The following POR variants were observed in gnomAD, a reference collection of about 807,000 sequenced individuals.
The protein encoded by POR is cytochrome p450 oxidoreductase.
A neutral mutation model predicts 84.0 loss-of-function variants in POR; 56 were observed. The ratio of observed to expected loss-of-function variants is 0.67; its 90% CI spans 0.54 to 0.83. POR has a LOEUF of 0.83. Among genes scored for constraint, POR ranks in the 40% least tolerant of loss-of-function variants. The pLI, the probability that POR is intolerant of heterozygous loss-of-function variation, is 0.00. For synonymous variants in POR, 414 were observed against 400.5 expected, an observed-to-expected ratio of 1.03 and a Z score of -0.40; for missense variants, 938 against 944.3, an observed-to-expected ratio of 0.99 and a Z score of 0.09.
At chr7:75,972,301 C>A in intron 2 of POR, 112 bp from the exon 3 acceptor site, 1 of 954,558 alleles carries the variant, frequency 1.0e-6, no homozygotes. Context: ...TGTCCCCTCC[C>A]TGTGCTGCCA....
At chr7:75,938,907 C>T (rs1379897364) in intron 1 of POR, among the ~76,000 whole-genome samples, 2 of 152,222 alleles carry the variant, frequency 1.3e-5, no homozygotes, top group African/African-American at 4.8e-5. Flanking sequence ...TCGCTCATCC[C>T]CCTAATCTGA....
chr7:75,961,334 CT>C (rs1787932385), intron 2 of POR, among the ~76,000 whole-genome samples: 2 of 151,548 alleles, frequency 1.3e-5, no homozygotes, highest in Non-Finnish European at 2.9e-5. Context: ...TGCCCACCAG[CT>C]GTGGAGCAGC....
Position 75,981,368 on chromosome 7 carries a change from C to G in POR, c.642-149C>G, listed in dbSNP as rs1257371787. 4 of 1,182,800 alleles carry G rather than the reference C, an allele frequency of 3.4e-6. No homozygotes were observed. In the African/African-American group the frequency reaches 6.2e-5, roughly 18 times the overall value. 73.3% of individuals were successfully genotyped at this position (1,182,800 alleles called of 1,614,324 possible). A position where few individuals can be genotyped will look rare whatever the true frequency, so the allele number is the denominator to read the frequency against. The stretch of plus-strand genomic sequence containing the variant: ...GCTTGCCCAACTCCCTGGAGCCTTC[C>G]TGATGCTCTGGGTTTATGTCGCTGG... On this transcript the variant is annotated intron_variant, in intron 6 of 15. Transcript: ENST00000461988.
In POR at chr7:75,953,975, C is replaced by T; in HGVS notation, c.-4-14C>T. On this transcript the variant is annotated splice_polypyrimidine_tract_variant and intron_variant, in intron 1 of 15. Transcript: ENST00000461988. Reference sequence around the variant, plus strand: ...TACCCTCTGCTGACATCTGCTGTTTCTGTCTCCTAACAGTTTCATGATCAA... The same window carrying T: ...TACCCTCTGCTGACATCTGCTGTTTTTGTCTCCTAACAGTTTCATGATCAA... 6.4e-7 allele frequency: 1 copy of T among 1,558,316 alleles called. No homozygotes were observed. The highest frequency in any genetic ancestry group is 8.7e-7 in the Non-Finnish European group (1 of 1,148,368).
At chr7:75,980,943 C>T in intron 5 of POR, 105 bp from the exon 6 acceptor site, 1 of 1,368,688 alleles carries the variant, frequency 7.3e-7, no homozygotes, top group Non-Finnish European at 9.7e-7. Context: ...GCAGGTGTTG[C>T]CAGCAGCTCA....
At chr7:75,974,036 C>T (rs533215104) in intron 3 of POR, among the ~76,000 whole-genome samples, 27 of 152,184 alleles carry the variant, frequency 1.8e-4, no homozygotes, top group Admixed American at 6.5e-5. Flanking sequence ...AAGATCCTTC[C>T]ATATCAATAC....
chr7:75,981,651 T>C (rs1554557996), intron 7 of POR, 45 bp downstream of exon 7: 1 of 1,540,024 alleles, frequency 6.5e-7, no homozygotes, highest in South Asian at 1.1e-5. Flanking sequence ...GGGCGGGTCC[T>C]GTGCCGAGGG....
chr7:75,951,957 CG>C (rs1276651208), intron 1 of POR, among the ~76,000 whole-genome samples: 4 of 151,040 alleles, frequency 2.6e-5, no homozygotes, highest in East Asian at 3.9e-4. Flanking sequence ...GCTGGCCGGG[CG>C]GGGGGCTGAC....
Position 75,968,906 on chromosome 7 carries a change from G to A in POR, c.189-3507G>A, listed in dbSNP as rs578203690. On this transcript the variant is annotated intron_variant, in intron 2 of 15. Transcript: ENST00000461988. ...AAGCCCTCCTCCCCCGCCACTTGCC[G>A]GGCTTCTGGGATGGGAGCCGAGCTT... Among the ~76,000 whole-genome samples, 25 of 152,302 alleles carry A rather than the reference G, an allele frequency of 1.6e-4. No homozygotes were observed. In the South Asian group the frequency reaches 2.3e-3, roughly 14 times the overall value.
At position 75,954,031 on chromosome 7, in the gene POR, C is replaced by T. The variant is rs781799978; in HGVS notation, c.39C>T (p.Ser13=). 1.2e-6 allele frequency: 2 copies of T among 1,608,592 alleles called. No homozygotes were observed. The highest frequency in any genetic ancestry group is 4.5e-5 in the East Asian group (2 of 44,754). Reference sequence around the variant, plus strand: ...GAGACTCCCACGTGGACACCAGCTCCACCGTGTCCGAGGCGGTGGCCGAAG... The same window carrying T: ...GAGACTCCCACGTGGACACCAGCTCTACCGTGTCCGAGGCGGTGGCCGAAG... The change falls in exon 2 of 16, where the codon TCC becomes TCT. Residue 13 remains serine, a synonymous_variant. Transcript: ENST00000461988.
In POR at chr7:75,981,136, G is replaced by C. The variant is rs547249232; in HGVS notation, c.605G>C (p.Arg202Pro). The change falls in exon 6 of 16, where the codon CGC becomes CCC. Residue 202 changes from arginine to proline, a missense_variant. Physicochemically the swap from Arg to Pro is moderately radical, Grantham distance 103 (BLOSUM62 -2). Coordinates refer to ENST00000461988, the MANE Select transcript of POR (RefSeq NM_000941.3). ...CGGCTGGAGCAGCTCGGCGCCCAGC[G>C]CATCTTTGAGCTGGGGTTGGGCGAC... The C allele has an allele frequency of 9.6e-6, 15 of 1,554,832 alleles. No homozygotes were observed. In the Admixed American group the frequency reaches 2.9e-4, roughly 30 times the overall value.
intron 1 of POR, among the ~76,000 whole-genome samples, chr7:75,922,447 C>T (rs1806926243): frequency 6.6e-6 from 1 of 151,926 alleles, no homozygotes; most frequent in Non-Finnish European, 1.5e-5. Flanking sequence ...CCTCAACCTC[C>T]TGAGTAGCTG....
chr7:75,936,527 C>T (rs1032590113), intron 1 of POR, among the ~76,000 whole-genome samples: 2 of 152,122 alleles, frequency 1.3e-5, no homozygotes, highest in African/African-American at 4.8e-5. Flanking sequence ...CTTAGTGTGC[C>T]TTCCCTTTTG....
intron 1 of POR, among the ~76,000 whole-genome samples, chr7:75,931,006 A>G (rs1421020796): frequency 1.3e-5 from 2 of 151,904 alleles, no homozygotes; most frequent in Non-Finnish European, 2.9e-5. Context: ...AATTTTCTGT[A>G]GAGATGGCGT....
chr7:75,949,802 G>T (rs1443967096), intron 1 of POR, among the ~76,000 whole-genome samples: 8 of 151,932 alleles, frequency 5.3e-5, no homozygotes, highest in Non-Finnish European at 1.2e-4. Flanking sequence ...TTACAGGTGT[G>T]AGCCACCGTG....
At chr7:75,935,018 C>T (rs1443616066) in intron 1 of POR, among the ~76,000 whole-genome samples, 1 of 152,062 alleles carries the variant, frequency 6.6e-6, no homozygotes. Flanking sequence ...GGGAAGGGGG[C>T]CACTGTCCTC....
chr7:75,954,247 A>G lies in POR; in HGVS notation c.188+67A>G, dbSNP rs1585105690. On this transcript the variant is annotated intron_variant, in intron 2 of 15. Coordinates refer to ENST00000461988, the MANE Select transcript of POR (RefSeq NM_000941.3). ...GTCACCACTCCAAGCAGTGTCCTGC[A>G]TGCGGGCCTCAGGCTGAAAGAAGCA... 2.3e-5 allele frequency: 33 copies of G among 1,465,892 alleles called. No individual in the cohort carries two copies. The East Asian group carries it at 7.5e-4, about 33-fold the overall frequency. 90.8% of individuals were successfully genotyped at this position (1,465,892 alleles called of 1,614,324 possible). A position where few individuals can be genotyped will look rare whatever the true frequency, so the allele number is the denominator to read the frequency against.
chr7:75,939,932 T>C (rs2116331600), intron 1 of POR, among the ~76,000 whole-genome samples: 1 of 147,930 alleles, frequency 6.8e-6, no homozygotes, highest in Middle Eastern at 4.0e-3. Context: ...TATATAGTGA[T>C]GGGGTCTTGC....
At chr7:75,944,455 C>A (rs1210544534) in intron 1 of POR, among the ~76,000 whole-genome samples, 1 of 152,158 alleles carries the variant, frequency 6.6e-6, no homozygotes, top group Non-Finnish European at 1.5e-5. Context: ...ATCAGTTGAA[C>A]CTGGGAGGCA....
Sources: allele counts gnomAD v4.1 joint callset (sites outside exome capture counted in the v4.1 genomes callset), GRCh38; gene constraint gnomAD v4.1.1; transcripts MANE v1.5; gene names NCBI Gene and HGNC (gene_info 2026-07-23, HGNC 2026-07-21).